SYNPR: variants seen among roughly 807,000 people sequenced by gnomAD.
SYNPR encodes synaptoporin.
Under a neutral mutation model 32.9 loss-of-function variants are expected in SYNPR, and 23 were observed. That is an observed-to-expected ratio of 0.70 (90% CI 0.50 to 0.99). The LOEUF is 0.99. SYNPR is among the 50% of genes least tolerant of loss of function. The pLI, the probability that SYNPR is intolerant of heterozygous loss-of-function variation, is 0.00. For missense variants in SYNPR, 318 were observed against 349.3 expected (o/e 0.91, Z 0.71); for synonymous variants, 146 against 135.9 (o/e 1.07, Z -0.52).
At chr3:63,534,524 T>C (rs1702167753) in intron 3 of SYNPR, among the ~76,000 whole-genome samples, 1 of 152,218 alleles carries the variant, frequency 6.6e-6, no homozygotes, top group Non-Finnish European at 1.5e-5. Context: ...CTTCTGTGTA[T>C]CAGATACTCT....
chr3:63,558,599 A>G (rs765358237), intron 4 of SYNPR, among the ~76,000 whole-genome samples: 1 of 152,096 alleles, frequency 6.6e-6, no homozygotes, highest in Non-Finnish European at 1.5e-5. Context: ...CGGCCTCCCA[A>G]AGTGCTGAGA....
intron 2 of SYNPR, among the ~76,000 whole-genome samples, chr3:63,261,727 A>ATAATAATAATAATAT (rs1325150657): frequency 6.6e-6 from 1 of 150,458 alleles, no homozygotes; most frequent in Non-Finnish European, 1.5e-5. Context: ...AATAATAATA[A>ATAATAATAATAATAT]TAATAATAAT....
At chr3:63,392,267 G>C (rs1434494605) in intron 2 of SYNPR, among the ~76,000 whole-genome samples, 1 of 152,114 alleles carries the variant, frequency 6.6e-6, no homozygotes, top group Non-Finnish European at 1.5e-5. Flanking sequence ...TTTCAGAAAT[G>C]CTACTTCTCT....
intron 3 of SYNPR, among the ~76,000 whole-genome samples, chr3:63,526,146 G>C (rs1248926766): frequency 1.3e-5 from 2 of 152,170 alleles, no homozygotes; most frequent in East Asian, 1.9e-4. Flanking sequence ...CCCCCACAAG[G>C]CTCCACTACC....
intron 2 of SYNPR, among the ~76,000 whole-genome samples, chr3:63,431,419 A>G (rs1699991198): frequency 6.6e-6 from 1 of 152,186 alleles, no homozygotes; most frequent in African/African-American, 2.4e-5. Flanking sequence ...CATTCATTCA[A>G]TGGGTATATA....
At chr3:63,389,955 A>C (rs1178545087) in intron 2 of SYNPR, among the ~76,000 whole-genome samples, 1 of 152,268 alleles carries the variant, frequency 6.6e-6, no homozygotes, top group Non-Finnish European at 1.5e-5. Flanking sequence ...TGTAGTTAAT[A>C]GCAAGCCCAC....
intron 2 of SYNPR, among the ~76,000 whole-genome samples, chr3:63,373,157 C>G (rs2087842617): frequency 6.6e-6 from 1 of 152,128 alleles, no homozygotes; most frequent in South Asian, 2.1e-4. Flanking sequence ...TCTGGCAGCT[C>G]AAAAAGCCAG....
At chr3:63,331,604 G>C (rs534435052) in intron 2 of SYNPR, among the ~76,000 whole-genome samples, 4 of 152,038 alleles carry the variant, frequency 2.6e-5, no homozygotes, top group Non-Finnish European at 5.9e-5. Context: ...CAGTAGTCTA[G>C]AAGGGGCTTG....
intron 2 of SYNPR, among the ~76,000 whole-genome samples, chr3:63,323,583 G>A (rs2087134131): frequency 6.6e-6 from 1 of 151,924 alleles, no homozygotes; most frequent in African/African-American, 2.4e-5. Context: ...GAGACATGAT[G>A]GAAGACTTTT....
chr3:63,443,216 G>A (rs889733718), intron 2 of SYNPR: 2 of 1,375,084 alleles, frequency 1.5e-6, no homozygotes, highest in Non-Finnish European at 1.9e-6. Flanking sequence ...GGTTGTCACT[G>A]TCTAATAATA....
intron 4 of SYNPR, among the ~76,000 whole-genome samples, chr3:63,558,584 C>T (rs554655353): frequency 2.9e-4 from 44 of 152,190 alleles, no homozygotes; most frequent in African/African-American, 7.9e-4. Flanking sequence ...GTTATCCTCC[C>T]GCCTCGGCCT....
chr3:63,525,448 A>G (rs938242592), intron 3 of SYNPR, among the ~76,000 whole-genome samples: 1 of 152,156 alleles, frequency 6.6e-6, no homozygotes, highest in Non-Finnish European at 1.5e-5. Context: ...AGCCTTGACT[A>G]AGAACAAATG....
intron 1 of SYNPR, among the ~76,000 whole-genome samples, chr3:63,250,552 T>G (rs376989733): frequency 1.3e-5 from 2 of 152,082 alleles, no homozygotes; most frequent in South Asian, 2.1e-4. Context: ...TGAGAACAAG[T>G]CTAAGGTGAC....
At chr3:63,456,706 A>T (rs938581930) in intron 2 of SYNPR, among the ~76,000 whole-genome samples, 4 of 151,298 alleles carry the variant, frequency 2.6e-5, no homozygotes, top group Non-Finnish European at 5.9e-5. Context: ...CACTGCACAA[A>T]CTCTTTGGAA....
At chr3:63,545,143 G>A (rs1422362945) in intron 3 of SYNPR, among the ~76,000 whole-genome samples, 3 of 151,936 alleles carry the variant, frequency 2.0e-5, no homozygotes, top group Non-Finnish European at 4.4e-5. Flanking sequence ...TTGAATATTC[G>A]TTACTATGTC....
intron 2 of SYNPR, among the ~76,000 whole-genome samples, chr3:63,384,721 G>A (rs1055773463): frequency 6.6e-6 from 1 of 152,134 alleles, no homozygotes; most frequent in Non-Finnish European, 1.5e-5. Flanking sequence ...ATGTGTGTGG[G>A]ACTGTGTTAA....
At chr3:63,474,212 A>C (rs1304453380) in intron 2 of SYNPR, among the ~76,000 whole-genome samples, 3 of 152,130 alleles carry the variant, frequency 2.0e-5, no homozygotes, top group African/African-American at 7.2e-5. Context: ...TCCTTCTCAC[A>C]CTGTTTGAAA....
the SYNPR span, among the ~76,000 whole-genome samples, chr3:63,218,577 A>G: frequency 6.6e-6 from 1 of 152,208 alleles, no homozygotes; most frequent in African/African-American, 2.4e-5. Flanking sequence ...CTCTCAGGCT[A>G]TAAAGTGAAA....
upstream of SYNPR, among the ~76,000 whole-genome samples, chr3:63,225,971 A>T (rs972459103): frequency 1.3e-5 from 2 of 152,170 alleles, no homozygotes; most frequent in African/African-American, 4.8e-5. Flanking sequence ...AAAAAATCCC[A>T]GTAAAAAGTA....
Sources: allele counts gnomAD v4.1 joint callset (sites outside exome capture counted in the v4.1 genomes callset), GRCh38; gene constraint gnomAD v4.1.1; transcripts MANE v1.5; gene names NCBI Gene and HGNC (gene_info 2026-07-23, HGNC 2026-07-21).